Variants in ANO3 observed in about 807,000 individuals in gnomAD.
ANO3 encodes the protein anoctamin-3.
ANO3 carries 99 observed loss-of-function variants against 144.8 expected under a neutral mutation model. The observed-to-expected ratio is 0.68, with a 90% confidence interval of 0.58 to 0.81. The LOEUF is 0.81. Ranked by LOEUF, ANO3 falls within the 30% of genes least tolerant of loss-of-function variation. ANO3 has a pLI of 0.00. For missense variants in ANO3, 905 were observed against 1,202.2 expected (o/e 0.75, Z 3.66); for synonymous variants, 414 against 392.6 (o/e 1.05, Z -0.64).
intron 1 of ANO3, among the ~76,000 whole-genome samples, chr11:26,291,732 T>C (rs1209374458): frequency 3.3e-5 from 5 of 152,238 alleles, no homozygotes; most frequent in African/African-American, 1.2e-4. Context: ...TGTTGAATAT[T>C]GGCCCCTACT....
At chr11:26,277,115 T>C (rs531017785) in intron 1 of ANO3, among the ~76,000 whole-genome samples, 2 of 151,998 alleles carry the variant, frequency 1.3e-5, no homozygotes, top group Non-Finnish European at 2.9e-5. Context: ...AATCCATCCA[T>C]ATAAAAAAGT....
At chr11:26,452,708 C>A (rs1212298886) in intron 3 of ANO3, among the ~76,000 whole-genome samples, 1 of 152,072 alleles carries the variant, frequency 6.6e-6, no homozygotes, top group Non-Finnish European at 1.5e-5. Flanking sequence ...GGCCAAAATT[C>A]AGATTCAGGA....
At chr11:26,493,783 C>T (rs1460666369) in intron 4 of ANO3, among the ~76,000 whole-genome samples, 1 of 152,072 alleles carries the variant, frequency 6.6e-6, no homozygotes, top group African/African-American at 2.4e-5. Context: ...GTTTGCAGCC[C>T]TCAGGGACTG....
intron 1 of ANO3, among the ~76,000 whole-genome samples, chr11:26,218,559 C>T (rs1043863674): frequency 2.6e-5 from 4 of 152,092 alleles, no homozygotes. Flanking sequence ...GCGACTGCCT[C>T]ATACCAATGT....
intron 1 of ANO3, among the ~76,000 whole-genome samples, chr11:26,283,024 GA>G (rs1052603389): frequency 2.6e-5 from 4 of 151,500 alleles, no homozygotes; most frequent in Admixed American, 1.3e-4. Flanking sequence ...ATTTTCTACA[GA>G]AAAAAATTGA....
chr11:26,438,769 A>C (rs1237716566), intron 1 of ANO3, among the ~76,000 whole-genome samples: 1 of 144,472 alleles, frequency 6.9e-6, no homozygotes. Flanking sequence ...CAAGAGCAAA[A>C]CTCTGTCTCA....
chr11:26,432,175 T>A (rs1449148580), intron 1 of ANO3, among the ~76,000 whole-genome samples: 1 of 152,220 alleles, frequency 6.6e-6, no homozygotes, highest in Admixed American at 6.5e-5. Flanking sequence ...TGAGCTTTTT[T>A]TTCCCATAAT....
At chr11:26,492,821 C>A (rs1195647515) in intron 4 of ANO3, among the ~76,000 whole-genome samples, 1 of 152,102 alleles carries the variant, frequency 6.6e-6, no homozygotes, top group African/African-American at 2.4e-5. Context: ...ATGAATGAAG[C>A]AACTAATGAA....
intron 1 of ANO3, among the ~76,000 whole-genome samples, chr11:26,434,964 C>T (rs1858242690): frequency 6.6e-6 from 1 of 152,030 alleles, no homozygotes; most frequent in African/African-American, 2.4e-5. Context: ...GAGTTCAGGT[C>T]CTGAATATCT....
At chr11:26,226,223 C>T (rs191021969) in intron 1 of ANO3, among the ~76,000 whole-genome samples, 39 of 151,970 alleles carry the variant, frequency 2.6e-4, no homozygotes, top group Admixed American at 4.6e-4. Flanking sequence ...GAAGGCAAGA[C>T]AGATGGTGTG....
At chr11:26,206,279 T>A (rs1457931892) in intron 1 of ANO3, among the ~76,000 whole-genome samples, 2 of 152,196 alleles carry the variant, frequency 1.3e-5, no homozygotes, top group Non-Finnish European at 2.9e-5. Context: ...CATGAGTTAA[T>A]CCAACCATCT....
Position 26,553,241 on chromosome 11 carries a change from T to TTTG in ANO3, c.1290-7_1290-6insTGT. ...TTTGTTTTGTTTTTGTTTTTGTTTT[T>TTTG]TCTCAAGCCAAGAAATTTGTAAAGC... On this transcript the variant is annotated splice_polypyrimidine_tract_variant and splice_region_variant and intron_variant, in intron 12 of 26. Coordinates refer to ENST00000256737, the MANE Select transcript of ANO3 (RefSeq NM_031418.4). 6 of 1,549,132 alleles carry TTTG rather than the reference T, an allele frequency of 3.9e-6. No homozygotes were observed. The highest frequency in any genetic ancestry group is 5.3e-6 in the Non-Finnish European group (6 of 1,128,802).
intron 1 of ANO3, among the ~76,000 whole-genome samples, chr11:26,217,567 G>A (rs1852059223): frequency 6.6e-6 from 1 of 151,916 alleles, no homozygotes; most frequent in Non-Finnish European, 1.5e-5. Flanking sequence ...AGCTTTTTGT[G>A]TCTCATTTTT....
chr11:26,314,639 G>T (rs1374987055), intron 1 of ANO3, among the ~76,000 whole-genome samples: 1 of 152,058 alleles, frequency 6.6e-6, no homozygotes, highest in Non-Finnish European at 1.5e-5. Context: ...CTAGAACCAG[G>T]TTTGTCTGGA....
chr11:26,196,484 A>C (rs994872673), intron 1 of ANO3, among the ~76,000 whole-genome samples: 4 of 152,152 alleles, frequency 2.6e-5, no homozygotes, highest in Non-Finnish European at 4.4e-5. Context: ...CATTTCTCAA[A>C]GCAAAAGCAT....
At chr11:26,543,506 C>T (rs536559906) in intron 11 of ANO3, among the ~76,000 whole-genome samples, 48 of 152,108 alleles carry the variant, frequency 3.2e-4, no homozygotes, top group African/African-American at 1.1e-3. Context: ...ATGTGCACAA[C>T]GTGCAGGTTT....
intron 18 of ANO3, among the ~76,000 whole-genome samples, chr11:26,625,092 AT>A (rs1241998071): frequency 7.9e-5 from 12 of 151,942 alleles, no homozygotes; most frequent in Admixed American, 6.5e-4. Flanking sequence ...CGTCCGGCTC[AT>A]TTTTTGTATT....
intron 1 of ANO3, among the ~76,000 whole-genome samples, chr11:26,202,442 G>GGAAGAC (rs1473241094): frequency 6.7e-6 from 1 of 150,284 alleles, no homozygotes; most frequent in Non-Finnish European, 1.5e-5. Flanking sequence ...CAGTCTAGTG[G>GGAAGAC]GAAGACAGCC....
At chr11:26,317,646 T>G (rs558873405) in intron 1 of ANO3, among the ~76,000 whole-genome samples, 3 of 152,296 alleles carry the variant, frequency 2.0e-5, no homozygotes, top group Admixed American at 6.5e-5. Context: ...AGGAACGCTT[T>G]TACACTGTTG....
Sources: gnomAD v4.1 joint callset for allele counts (sites outside exome capture counted in the v4.1 genomes callset) on GRCh38, gnomAD v4.1.1 for gene constraint, MANE v1.5 for transcripts, NCBI Gene and HGNC (gene_info 2026-07-23, HGNC 2026-07-21) for gene names.